The following RABGAP1 variants were observed in gnomAD, a reference collection of about 807,000 sequenced individuals.
RABGAP1 encodes the protein RAB GTPase activating protein 1.
RABGAP1 carries 23 observed loss-of-function variants against 137.6 expected under a neutral mutation model. The observed-to-expected ratio is 0.17, with a 90% CI of 0.12 to 0.24. The LOEUF (loss-of-function observed/expected upper bound fraction) is 0.24, where lower values mean the gene tolerates loss of function less well. Ranked by LOEUF, RABGAP1 falls within the 10% of genes least tolerant of loss-of-function variation. The pLI is 1.00. For synonymous variants in RABGAP1, 451 were observed against 450.7 expected (o/e 1.00, Z -0.01); for missense variants, 906 against 1,275.8 (o/e 0.71, Z 4.42).
intron 10 of RABGAP1, among the ~76,000 whole-genome samples, chr9:123,005,542 A>T (rs905647796): frequency 2.0e-5 from 3 of 152,178 alleles, no homozygotes; most frequent in Non-Finnish European, 2.9e-5. Context: ...TGCTTTTTAA[A>T]CTTAATATAT....
At chr9:122,943,572 A>C (rs1328830528) in intron 1 of RABGAP1, among the ~76,000 whole-genome samples, 2 of 152,172 alleles carry the variant, frequency 1.3e-5, no homozygotes, top group African/African-American at 4.8e-5. Flanking sequence ...CTGCATATTG[A>C]GAGAACTGTA....
intron 13 of RABGAP1, among the ~76,000 whole-genome samples, chr9:123,031,940 G>A (rs561334270): frequency 2.6e-5 from 4 of 152,308 alleles, no homozygotes; most frequent in African/African-American, 7.2e-5. Context: ...AATAATTGAC[G>A]CCATGTCATC....
intron 2 of RABGAP1, among the ~76,000 whole-genome samples, chr9:122,978,510 C>G (rs906576648): frequency 2.8e-4 from 42 of 152,112 alleles, no homozygotes; most frequent in African/African-American, 8.9e-4. Context: ...TGGCTCATTC[C>G]TGTAATCTCA....
intron 13 of RABGAP1, among the ~76,000 whole-genome samples, chr9:123,057,313 G>C (rs1430229530): frequency 6.9e-6 from 1 of 144,200 alleles, no homozygotes; most frequent in Non-Finnish European, 1.5e-5. Flanking sequence ...GTTGCCGGGC[G>C]GAGGGTCTCC....
intron 1 of RABGAP1, among the ~76,000 whole-genome samples, chr9:122,945,163 T>TTTTTTTTTTTTTTTTTTTC (rs1833881317): frequency 6.9e-6 from 1 of 144,132 alleles, no homozygotes; most frequent in Non-Finnish European, 1.5e-5. Context: ...TTTTTTTTTT[T>TTTTTTTTTTTTTTTTTTTC]AGCATAAACT....
chr9:123,067,578 C>G (rs1338078517), intron 14 of RABGAP1, among the ~76,000 whole-genome samples: 1 of 152,204 alleles, frequency 6.6e-6, no homozygotes, highest in African/African-American at 2.4e-5. Context: ...TATGCATTAA[C>G]TACATTGAAC....
Position 122,990,471 on chromosome 9 carries a change from CA to C in RABGAP1, c.923+263del, listed in dbSNP as rs1189173754. 1.4e-4 allele frequency: 32 copies of C among 234,176 alleles called. 1 individual carries two copies. Among genetic ancestry groups the C allele is most frequent in the Middle Eastern group, 1.5e-3 (1 of 674 alleles). 14.5% of individuals were successfully genotyped at this position (234,176 alleles called of 1,614,324 possible). A position where few individuals can be genotyped will look rare whatever the true frequency, so the allele number is the denominator to read the frequency against. On this transcript the variant is annotated intron_variant, in intron 6 of 25. Coordinates refer to ENST00000373647, the MANE Select transcript of RABGAP1 (RefSeq NM_012197.4). ...CAGATACCAAGTGGCTAACTGCTCA[CA>C]AAAATATGGCCAAACCGCCAGGCGC...
chr9:123,025,959 TTTAA>T (rs1486408883), intron 13 of RABGAP1, among the ~76,000 whole-genome samples: 1 of 152,062 alleles, frequency 6.6e-6, no homozygotes, highest in African/African-American at 2.4e-5. Context: ...AATTCCTGAA[TTTAA>T]TTAAAATGGT....
chr9:123,085,884 G>A (rs901369410), intron 19 of RABGAP1, among the ~76,000 whole-genome samples: 12 of 152,190 alleles, frequency 7.9e-5, no homozygotes. Context: ...TTAAATAAAT[G>A]TCCCTGCTGC....
chr9:122,941,678 T>C (rs959609603), intron 1 of RABGAP1, among the ~76,000 whole-genome samples: 1 of 152,234 alleles, frequency 6.6e-6, no homozygotes, highest in African/African-American at 2.4e-5. Context: ...TCTTCTCATC[T>C]CCTTGAAGCA....
At chr9:123,034,008 A>G (rs1020414899) in intron 13 of RABGAP1, among the ~76,000 whole-genome samples, 9 of 152,106 alleles carry the variant, frequency 5.9e-5, no homozygotes, top group African/African-American at 2.2e-4. Flanking sequence ...CTGCTCCTCT[A>G]TACAGTACAG....
intron 6 of RABGAP1, among the ~76,000 whole-genome samples, chr9:122,991,458 T>A (rs1315987419): frequency 6.6e-6 from 1 of 152,222 alleles, no homozygotes; most frequent in Non-Finnish European, 1.5e-5. Flanking sequence ...GAAAAACTGA[T>A]AATTTTTAGT....
chr9:122,974,415 CTTTTTTTTT>C lies in RABGAP1; in HGVS notation c.151-10052_151-10044del, dbSNP rs11331973. On this transcript the variant is annotated intron_variant, in intron 2 of 25. Transcript: ENST00000373647. ...CCTCCCAAGATGGAAATGGCTTTGT[CTTTTTTTTT>C]TTTTTTTTTTTTTTTTTAGTTATAA... Among the ~76,000 whole-genome samples, 10 of 58,222 alleles carry C rather than the reference CTTTTTTTTT, an allele frequency of 1.7e-4. 1 individual carries two copies. The East Asian group carries it at 3.0e-3, about 17-fold the overall frequency. The allele number at this position is 58,222 out of a possible 152,430, so 38.2% of individuals were successfully genotyped here. A position where few individuals can be genotyped will look rare whatever the true frequency, so the allele number is the denominator to read the frequency against.
intron 13 of RABGAP1, among the ~76,000 whole-genome samples, chr9:123,043,609 AGGGTGAGGGGAAGGGAAGTGTTTGGG>A (rs1293756759): frequency 6.9e-6 from 1 of 144,812 alleles, no homozygotes; most frequent in Non-Finnish European, 1.5e-5. Context: ...CACTGTTGAC[AGGGTGAGGGGAAGGGAAGTGTTTGGG>A]GGGTGAGGGG....
intron 2 of RABGAP1, among the ~76,000 whole-genome samples, chr9:122,957,943 C>T (rs935955746): frequency 3.3e-5 from 5 of 150,470 alleles, no homozygotes; most frequent in Non-Finnish European, 7.4e-5. Flanking sequence ...ATGTGCTCAA[C>T]AGCATCTCTC....
rs1489903732 is a variant in RABGAP1 at position 123,035,004 on chromosome 9, A to G, written c.1794+14545A>G. The stretch of plus-strand genomic sequence containing the variant: ...ATACTCTGGTTACACCCTGGAGACT[A>G]CGCCTGTGTATTTTCCTGATTTGGC... On this transcript the variant is annotated intron_variant, in intron 13 of 25. Transcript: ENST00000373647. The G allele has an allele frequency of 3.7e-6, 6 of 1,613,344 alleles. No individual in the cohort carries two copies. In the African/African-American group the frequency reaches 4.0e-5, roughly 11 times the overall value.
chr9:123,028,175 G>C (rs181710155), intron 13 of RABGAP1, among the ~76,000 whole-genome samples: 1 of 152,122 alleles, frequency 6.6e-6, no homozygotes, highest in Non-Finnish European at 1.5e-5. Flanking sequence ...ACCATGCTGG[G>C]GTTTTACTTG....
rs1836265156 is a variant in RABGAP1 at position 122,984,566 on chromosome 9, G to A, written c.232G>A (p.Gly78Arg). The change falls in exon 3 of 26, where the codon GGG becomes AGG. Residue 78 changes from glycine (G) to arginine (R), a missense_variant. Transcript: ENST00000373647. ...GGATCCTCCAATGGACGACCAGCCA[G>A]GGGAAAAGGAGCTTGTGAAAAGGTC... The part of the protein sequence containing the change: ...LMDPPMDDQP[G>R]EKELVKRSQL... The A allele has an allele frequency of 1.9e-6, 3 of 1,614,052 alleles. No individual in the cohort carries two copies. Among genetic ancestry groups the A allele is most frequent in the Admixed American group, 1.7e-5 (1 of 59,992 alleles).
intron 4 of RABGAP1, among the ~76,000 whole-genome samples, chr9:122,987,780 T>C (rs1836446203): frequency 6.6e-6 from 1 of 152,196 alleles, no homozygotes; most frequent in Non-Finnish European, 1.5e-5. Flanking sequence ...CTTTTTAGAC[T>C]TCTGTTGATT....
Sources: allele counts gnomAD v4.1 joint callset (sites outside exome capture counted in the v4.1 genomes callset), GRCh38; gene constraint gnomAD v4.1.1; transcripts MANE v1.5; gene names NCBI Gene and HGNC (gene_info 2026-07-23, HGNC 2026-07-21).